Variants in MMP20 observed in about 807,000 individuals in gnomAD.
MMP20 encodes matrix metalloproteinase-20.
MMP20 carries 50 observed loss-of-function variants against 51.8 expected under a neutral mutation model. The ratio of observed to expected loss-of-function variants is 0.97; its 90% confidence interval spans 0.77 to 1.22. MMP20 has a LOEUF of 1.22. Ranked by LOEUF, MMP20 falls within the 50% of genes most tolerant of loss-of-function variation. MMP20 has a pLI of 0.00. For missense variants in MMP20, 663 were observed against 601.4 expected, an observed-to-expected ratio of 1.10 and a Z score of -1.07; for synonymous variants, 244 against 216.2, an observed-to-expected ratio of 1.13 and a Z score of -1.13.
chr11:102,597,125 A>C (rs892300497), intron 6 of MMP20, among the ~76,000 whole-genome samples: 1 of 152,234 alleles, frequency 6.6e-6, no homozygotes, highest in Non-Finnish European at 1.5e-5. Context: ...ATGTCTTCCC[A>C]AAACTAGGCT....
intron 6 of MMP20, among the ~76,000 whole-genome samples, chr11:102,597,469 C>T (rs1053854882): frequency 6.6e-6 from 1 of 152,170 alleles, no homozygotes; most frequent in African/African-American, 2.4e-5. Context: ...CATTGTAAAT[C>T]AAGTGTGATT....
intron 5 of MMP20, 57 bp downstream of exon 5, chr11:102,608,880 G>A (rs1056425629): frequency 2.3e-5 from 36 of 1,558,582 alleles, no homozygotes; most frequent in African/African-American, 1.4e-4. Context: ...TCTTTAATTC[G>A]GAGACTGAAT....
intron 6 of MMP20, among the ~76,000 whole-genome samples, chr11:102,598,777 C>T (rs1045041727): frequency 9.2e-5 from 14 of 152,116 alleles, no homozygotes; most frequent in Non-Finnish European, 1.5e-5. Context: ...TGTTGTTGAG[C>T]CTTAAAGGTC....
chr11:102,602,116 A>ATTTTTTTTTTTT (rs10593493), intron 6 of MMP20, among the ~76,000 whole-genome samples: 20 of 109,668 alleles, frequency 1.8e-4, no homozygotes, highest in Non-Finnish European at 2.3e-4. Flanking sequence ...CGCCCGGCTA[A>ATTTTTTTTTTTT]TTTTTTTTTT....
intron 8 of MMP20, among the ~76,000 whole-genome samples, chr11:102,592,899 G>A (rs17174309): frequency 0.019 from 2,968 of 152,314 alleles, 87 homozygotes; most frequent in African/African-American, 0.067. Context: ...CTCATACGAA[G>A]CCCCTGAGGA....
intron 9 of MMP20, 66 bp downstream of exon 9, chr11:102,578,973 G>C: frequency 1.6e-6 from 2 of 1,218,014 alleles, no homozygotes; most frequent in Non-Finnish European, 2.4e-6. Context: ...TTTCTGTTGT[G>C]TTAAAGCAAA....
At chr11:102,602,116 A>ATTTTTTT (rs10593493) in intron 6 of MMP20, among the ~76,000 whole-genome samples, 222 of 109,596 alleles carry the variant, frequency 2.0e-3, no homozygotes, top group Non-Finnish European at 2.5e-3. Flanking sequence ...CGCCCGGCTA[A>ATTTTTTT]TTTTTTTTTT....
chr11:102,592,105 GGAATT>G (rs1859324084), intron 8 of MMP20, among the ~76,000 whole-genome samples: 1 of 152,126 alleles, frequency 6.6e-6, no homozygotes, highest in Non-Finnish European at 1.5e-5. Flanking sequence ...ATTCACCAGG[GGAATT>G]GGATTTCTCA....
chr11:102,587,776 G>A (rs1473368929), intron 8 of MMP20, among the ~76,000 whole-genome samples: 1 of 151,980 alleles, frequency 6.6e-6, no homozygotes, highest in Non-Finnish European at 1.5e-5. Context: ...GCTTTCTTAT[G>A]GTTGCTATTT....
At chr11:102,609,841 T>A (rs1368685324) in intron 4 of MMP20, 64 bp downstream of exon 4, 16 of 1,611,294 alleles carry the variant, frequency 9.9e-6, no homozygotes, top group East Asian at 2.2e-5. Flanking sequence ...ACCTCAAGGT[T>A]TCATGATGGA....
chr11:102,609,306 G>A (rs1859563158), intron 4 of MMP20, among the ~76,000 whole-genome samples: 1 of 152,074 alleles, frequency 6.6e-6, no homozygotes, highest in African/African-American at 2.4e-5. Context: ...TTGGGGGTGG[G>A]GGAGGACAGA....
intron 7 of MMP20, 85 bp downstream of exon 7, chr11:102,594,536 G>T: frequency 6.4e-7 from 1 of 1,565,046 alleles, no homozygotes; most frequent in Non-Finnish European, 8.7e-7. Flanking sequence ...ATGATGACTG[G>T]AAAAATGCTG....
In MMP20 at chr11:102,594,914, T is replaced by C. The variant is rs371782076; in HGVS notation, c.954-157A>G. Among the ~76,000 whole-genome samples the C allele has an allele frequency of 2.0e-5, 3 of 150,158 alleles. 1 individual carries two copies. The highest frequency in any genetic ancestry group is 4.4e-5 in the Non-Finnish European group (3 of 67,562). ...CTTGTTTTTTTTCTCTTTTCTTTTT[T>C]TTTTTTTTTGAGATGGAGTCTTGCT... On this transcript the variant is annotated intron_variant, in intron 6 of 9. Transcript: ENST00000260228.
chr11:102,604,722 GGATT>G (rs1196919982), intron 6 of MMP20, among the ~76,000 whole-genome samples: 8 of 151,872 alleles, frequency 5.3e-5, no homozygotes, highest in African/African-American at 1.2e-4. Context: ...ATCCAGTATG[GGATT>G]GATTAAGTAA....
intron 8 of MMP20, among the ~76,000 whole-genome samples, chr11:102,585,759 T>A (rs934994646): frequency 1.3e-5 from 2 of 152,220 alleles, no homozygotes; most frequent in African/African-American, 2.4e-5. Flanking sequence ...TCTTTATTGA[T>A]TTGAAAACGG....
chr11:102,622,165 T>G (rs997874516), intron 1 of MMP20, among the ~76,000 whole-genome samples: 8 of 152,210 alleles, frequency 5.3e-5, no homozygotes, highest in Non-Finnish European at 1.0e-4. Flanking sequence ...GTTTATCTTT[T>G]CAAGTGTAGA....
chr11:102,582,433 A>T (rs113485110), intron 8 of MMP20, among the ~76,000 whole-genome samples: 2 of 152,210 alleles, frequency 1.3e-5, no homozygotes. Flanking sequence ...TGACCTTTCC[A>T]GTGTGGGTCA....
In MMP20 at chr11:102,585,954, T is replaced by C. The variant is rs144769456; in HGVS notation, c.1248-6812A>G. Among the ~76,000 whole-genome samples the C allele has an allele frequency of 3.3e-5, 5 of 152,350 alleles. No individual in the cohort carries two copies. In the East Asian group the frequency reaches 7.7e-4, roughly 23 times the overall value. ...GATGAATTCCTGGGACAAATCCTAC[T>C]TGGTCTTGGTGTATAATTCTTTTCA... On this transcript the variant is annotated intron_variant, in intron 8 of 9. Coordinates refer to ENST00000260228, the MANE Select transcript of MMP20 (RefSeq NM_004771.4).
chr11:102,592,040 C>T (rs753677157), intron 8 of MMP20, among the ~76,000 whole-genome samples: 33 of 152,180 alleles, frequency 2.2e-4, no homozygotes, highest in Non-Finnish European at 1.5e-4. Flanking sequence ...CATAAACGCC[C>T]TCATACTCCA....
Sources: allele counts gnomAD v4.1 joint callset (sites outside exome capture counted in the v4.1 genomes callset), GRCh38; gene constraint gnomAD v4.1.1; transcripts MANE v1.5; gene names NCBI Gene and HGNC (gene_info 2026-07-23, HGNC 2026-07-21).